The following NKAIN3 variants were observed in gnomAD, a reference collection of about 807,000 sequenced individuals.
The protein encoded by NKAIN3 is sodium/potassium-transporting ATPase subunit beta-1-interacting protein 3.
NKAIN3 carries 25 observed loss-of-function variants against 30.2 expected under a neutral mutation model. That is an observed-to-expected ratio of 0.83 (90% confidence interval 0.60 to 1.16). NKAIN3 has a LOEUF of 1.16. Ranked by LOEUF, NKAIN3 falls within the 50% of genes most tolerant of loss-of-function variation. NKAIN3 has a pLI of 0.00. For synonymous variants in NKAIN3, 91 were observed against 89.6 expected (o/e 1.02, Z -0.09); for missense variants, 225 against 254.1 (o/e 0.89, Z 0.78).
chr8:62,426,781 T>C (rs929085325), intron 1 of NKAIN3, among the ~76,000 whole-genome samples: 8 of 151,966 alleles, frequency 5.3e-5, no homozygotes, highest in African/African-American at 1.7e-4. Flanking sequence ...TCCTTTTTTT[T>C]CCCCCAGTTC....
At chr8:62,922,742 T>C (rs975186530) in intron 5 of NKAIN3, among the ~76,000 whole-genome samples, 2 of 148,578 alleles carry the variant, frequency 1.3e-5, no homozygotes, top group South Asian at 2.1e-4. Context: ...TCACAGTGCA[T>C]ATATTTTTTT....
chr8:62,641,086 T>C (rs1812295352), intron 3 of NKAIN3, among the ~76,000 whole-genome samples: 3 of 152,036 alleles, frequency 2.0e-5, no homozygotes, highest in African/African-American at 7.2e-5. Flanking sequence ...TAGAGCTTAT[T>C]AGAAATGCAT....
intron 1 of NKAIN3, among the ~76,000 whole-genome samples, chr8:62,289,976 T>TC (rs1211282778): frequency 1.3e-5 from 2 of 152,154 alleles, no homozygotes; most frequent in African/African-American, 4.8e-5. Context: ...TAAGTTGGAT[T>TC]CCTAGGTATT....
At chr8:62,264,163 G>C (rs761569124) in intron 1 of NKAIN3, among the ~76,000 whole-genome samples, 11 of 152,130 alleles carry the variant, frequency 7.2e-5, no homozygotes, top group Non-Finnish European at 1.2e-4. Context: ...AAAAATGAGG[G>C]AATTCATATT....
chr8:62,381,437 C>G (rs1288850224), intron 1 of NKAIN3, among the ~76,000 whole-genome samples: 2 of 152,062 alleles, frequency 1.3e-5, no homozygotes, highest in African/African-American at 4.8e-5. Flanking sequence ...CCTCGAAAGT[C>G]AAGCTTCTTA....
chr8:62,612,595 A>G (rs900252928), intron 3 of NKAIN3, among the ~76,000 whole-genome samples: 4 of 150,916 alleles, frequency 2.7e-5, no homozygotes, highest in Admixed American at 2.0e-4. Context: ...AGTTTAGCCC[A>G]TTTACATTCA....
At chr8:62,298,631 A>G (rs967574523) in intron 1 of NKAIN3, among the ~76,000 whole-genome samples, 3 of 151,196 alleles carry the variant, frequency 2.0e-5, no homozygotes, top group Non-Finnish European at 3.0e-5. Context: ...CCCAAGTGCT[A>G]CTCCTCCTCG....
At chr8:62,349,151 T>C (rs1816102947) in intron 1 of NKAIN3, among the ~76,000 whole-genome samples, 1 of 152,216 alleles carries the variant, frequency 6.6e-6, no homozygotes, top group African/African-American at 2.4e-5. Flanking sequence ...TTGGGACTAT[T>C]GCACATCATC....
chr8:62,681,072 A>T (rs1468952342), intron 3 of NKAIN3, among the ~76,000 whole-genome samples: 1 of 152,188 alleles, frequency 6.6e-6, no homozygotes, highest in African/African-American at 2.4e-5. Context: ...TAGCCCCTTG[A>T]TGTTGAATCA....
chr8:62,442,265 A>T (rs980542054), intron 1 of NKAIN3, among the ~76,000 whole-genome samples: 2 of 151,998 alleles, frequency 1.3e-5, no homozygotes, highest in Admixed American at 6.6e-5. Context: ...TATTTAATTT[A>T]TATTTCAATT....
At chr8:62,255,829 C>T (rs1812245022) in intron 1 of NKAIN3, among the ~76,000 whole-genome samples, 1 of 152,092 alleles carries the variant, frequency 6.6e-6, no homozygotes, top group African/African-American at 2.4e-5. Flanking sequence ...TCAGAATCAC[C>T]CGGGGGAGCT....
intron 1 of NKAIN3, among the ~76,000 whole-genome samples, chr8:62,448,642 A>G (rs994206810): frequency 2.0e-5 from 3 of 151,898 alleles, no homozygotes; most frequent in African/African-American, 7.2e-5. Context: ...TTTTTGAAAC[A>G]AACTCATTAG....
intron 1 of NKAIN3, among the ~76,000 whole-genome samples, chr8:62,295,577 A>G (rs184876519): frequency 2.0e-5 from 3 of 152,312 alleles, no homozygotes; most frequent in Admixed American, 1.3e-4. Flanking sequence ...GCTTATTTAT[A>G]TATATGTAGT....
intron 1 of NKAIN3, among the ~76,000 whole-genome samples, chr8:62,517,015 TTC>T (rs1169793287): frequency 6.6e-6 from 1 of 151,528 alleles, no homozygotes; most frequent in African/African-American, 2.4e-5. Context: ...ACCTAAACTA[TTC>T]TCTTTTTCAC....
intron 1 of NKAIN3, among the ~76,000 whole-genome samples, chr8:62,301,628 G>T (rs1257221499): frequency 2.0e-5 from 3 of 152,040 alleles, no homozygotes; most frequent in Non-Finnish European, 2.9e-5. Context: ...ATGTAAGGAG[G>T]CAGCTTTAGA....
chr8:62,621,268 G>A (rs1811611875), intron 3 of NKAIN3, among the ~76,000 whole-genome samples: 1 of 152,018 alleles, frequency 6.6e-6, no homozygotes, highest in African/African-American at 2.4e-5. Flanking sequence ...ACTCTACTAG[G>A]AAAAGTGTGA....
chr8:62,367,952 G>T (rs6999222), intron 1 of NKAIN3, among the ~76,000 whole-genome samples: 147,449 of 152,110 alleles, frequency 0.97, 71,524 homozygotes, highest in East Asian at 1. Flanking sequence ...TAAAAAGAAA[G>T]TAAGAAAACA....
At chr8:62,839,157 A>G (rs1819455880) in intron 4 of NKAIN3, among the ~76,000 whole-genome samples, 1 of 152,130 alleles carries the variant, frequency 6.6e-6, no homozygotes. Context: ...TCCTCCTTCT[A>G]AAGACATAAC....
At chr8:62,896,955 T>C (rs1394196133) in intron 4 of NKAIN3, among the ~76,000 whole-genome samples, 3 of 152,178 alleles carry the variant, frequency 2.0e-5, no homozygotes, top group African/African-American at 7.2e-5. Context: ...CATTCATTTC[T>C]GACATCTGTG....
Sources: allele counts gnomAD v4.1 joint callset (sites outside exome capture counted in the v4.1 genomes callset), GRCh38; gene constraint gnomAD v4.1.1; transcripts MANE v1.5; gene names NCBI Gene and HGNC (gene_info 2026-07-23, HGNC 2026-07-21).